Variants in SYT16 observed in about 807,000 individuals in gnomAD.
SYT16 encodes synaptotagmin 16.
A neutral mutation model predicts 61.4 loss-of-function variants in SYT16; 42 were observed. That is an observed-to-expected ratio of 0.68 (90% confidence interval 0.53 to 0.89). The LOEUF (loss-of-function observed/expected upper bound fraction) is 0.89. Ranked by LOEUF, SYT16 falls within the 40% of genes least tolerant of loss-of-function variation. The pLI is 0.00. For synonymous variants in SYT16, 314 were observed against 302.3 expected (o/e 1.04, Z -0.40); for missense variants, 804 against 807.3 (o/e 1.00, Z 0.05).
intron 7 of SYT16, among the ~76,000 whole-genome samples, chr14:62,085,241 A>T (rs1655548017): frequency 6.6e-6 from 1 of 152,346 alleles, no homozygotes; most frequent in East Asian, 1.9e-4. Context: ...GCAGCAAAAA[A>T]GCTTGAAAGG....
At chr14:61,855,594 T>C (rs1423606171) in intron 1 of SYT16, among the ~76,000 whole-genome samples, 1 of 152,244 alleles carries the variant, frequency 6.6e-6, no homozygotes, top group Non-Finnish European at 1.5e-5. Context: ...GTATGGTTTC[T>C]ACTGAATACA....
In SYT16 at chr14:62,102,787, T is replaced by C. The variant is rs886467348; in HGVS notation, c.*2080T>C. 3 of 152,216 alleles carry C rather than the reference T, an allele frequency of 2.0e-5. No homozygotes were observed. Among genetic ancestry groups the C allele is most frequent in the African/African-American group, 7.2e-5 (3 of 41,450 alleles). 9.4% of individuals were successfully genotyped at this position (152,216 alleles called of 1,614,324 possible). On this transcript the variant is annotated 3_prime_UTR_variant, in exon 8 of 8. Transcript: ENST00000683842. ...ATTTTTCCCTCTCATATTTTCCTGCTGCTGCATCCTTGTTTCTTGGTACCC... is the reference window on the plus strand; with the variant it reads ...ATTTTTCCCTCTCATATTTTCCTGCCGCTGCATCCTTGTTTCTTGGTACCC...
chr14:61,980,807 TTGACA>T (rs1258399282), intron 2 of SYT16, among the ~76,000 whole-genome samples: 1 of 152,174 alleles, frequency 6.6e-6, no homozygotes, highest in African/African-American at 2.4e-5. Flanking sequence ...AAAAGACTAA[TTGACA>T]TGACAGGGAG....
chr14:62,058,065 T>G (rs1169937907), intron 3 of SYT16, among the ~76,000 whole-genome samples: 1 of 152,184 alleles, frequency 6.6e-6, no homozygotes, highest in Non-Finnish European at 1.5e-5. Context: ...CCCACTAGTT[T>G]AATGCTTTTG....
intron 1 of SYT16, among the ~76,000 whole-genome samples, chr14:61,846,027 G>A (rs775645160): frequency 6.6e-6 from 1 of 152,124 alleles, no homozygotes; most frequent in Non-Finnish European, 1.5e-5. Flanking sequence ...AAGAGAAGAT[G>A]CTTGATATTA....
rs568793809 is a variant in SYT16 at position 62,104,176 on chromosome 14, G to T, written c.*3469G>T. 6.6e-6 allele frequency: 1 copy of T among 152,244 alleles called. No homozygotes were observed. The highest frequency in any genetic ancestry group is 1.9e-4 in the East Asian group (1 of 5,174). 9.4% of individuals were successfully genotyped at this position (152,244 alleles called of 1,614,324 possible). A position where few individuals can be genotyped will look rare whatever the true frequency, so the allele number is the denominator to read the frequency against. On this transcript the variant is annotated 3_prime_UTR_variant, in exon 8 of 8. Transcript: ENST00000683842. Reference sequence around the variant, plus strand: ...TGATTCGGTGTGGACACCACTGTGGGTTTCCAAAAAAACTGGTTATCCTTT... The same window carrying T: ...TGATTCGGTGTGGACACCACTGTGGTTTTCCAAAAAAACTGGTTATCCTTT...
intron 5 of SYT16, chr14:62,079,440 AT>A: frequency 4.9e-6 from 4 of 818,634 alleles, no homozygotes; most frequent in Non-Finnish European, 6.6e-6. Context: ...TACCATCTCC[AT>A]TTTACAGTTG....
intron 1 of SYT16, among the ~76,000 whole-genome samples, chr14:61,892,405 C>T (rs2140340264): frequency 6.6e-6 from 1 of 152,258 alleles, no homozygotes; most frequent in South Asian, 2.1e-4. Flanking sequence ...CCCCTGGCCA[C>T]CCTTGGCCTC....
At chr14:62,049,194 CTCT>C (rs1261582429) in intron 3 of SYT16, among the ~76,000 whole-genome samples, 1 of 152,174 alleles carries the variant, frequency 6.6e-6, no homozygotes, top group Admixed American at 6.5e-5. Flanking sequence ...GGATAGTTAG[CTCT>C]TCTTGTTGAA....
At chr14:61,854,556 A>G (rs1311614531) in intron 1 of SYT16, among the ~76,000 whole-genome samples, 5 of 152,206 alleles carry the variant, frequency 3.3e-5, no homozygotes, top group African/African-American at 7.2e-5. Context: ...TTCAATGTTT[A>G]TAATGTCACT....
At position 61,959,582 on chromosome 14, in the gene SYT16, T is replaced by C. The variant is rs544100802; in HGVS notation, c.-324-10550T>C. Among the ~76,000 whole-genome samples the C allele has an allele frequency of 2.6e-5, 4 of 152,338 alleles. No homozygotes were observed. In the South Asian group the frequency reaches 8.3e-4, roughly 32 times the overall value. On this transcript the variant is annotated intron_variant, in intron 1 of 7. Coordinates refer to ENST00000683842, the MANE Select transcript of SYT16 (RefSeq NM_001367656.1). ...ATTTTGTTTCTTGGTATGTTATGTT[T>C]TTATGAACAAATTTCTGTGGTTATA... is the stretch of plus-strand genomic sequence containing the variant.
chr14:62,066,204 C>G (rs546747842), intron 3 of SYT16, among the ~76,000 whole-genome samples: 3 of 152,192 alleles, frequency 2.0e-5, no homozygotes, highest in Non-Finnish European at 4.4e-5. Context: ...GGCCACAGGA[C>G]CTCCACTAGT....
chr14:61,906,502 G>A (rs928222797), intron 1 of SYT16, among the ~76,000 whole-genome samples: 2 of 152,042 alleles, frequency 1.3e-5, no homozygotes, highest in Non-Finnish European at 2.9e-5. Context: ...TTCTTTTCTC[G>A]CTCTTCGGCT....
In SYT16 at chr14:61,871,603, C is replaced by T. The variant is rs57556749; in HGVS notation, c.-325+58793C>T. ...AGGGATCACCATTTAGTGTTGCCTG[C>T]TTTCCTGCATCTTTAAAAACCATTA... On this transcript the variant is annotated intron_variant, in intron 1 of 7. Coordinates refer to ENST00000683842, the MANE Select transcript of SYT16 (RefSeq NM_001367656.1). 5.8e-3 allele frequency among the ~76,000 whole-genome samples: 885 copies of T among 152,302 alleles called. 4 individuals carry two copies. The highest frequency in any genetic ancestry group is 0.02 in the African/African-American group (839 of 41,568).
intron 1 of SYT16, chr14:61,864,877 G>A (rs1174211848): frequency 8.2e-7 from 1 of 1,214,756 alleles, no homozygotes; most frequent in Admixed American, 1.8e-5. Context: ...CCCCGGCGGA[G>A]ACAGTGACCA....
At chr14:61,826,971 G>T (rs1056964829) in intron 1 of SYT16, among the ~76,000 whole-genome samples, 3 of 151,900 alleles carry the variant, frequency 2.0e-5, no homozygotes, top group African/African-American at 7.3e-5. Context: ...CCACTCTGCG[G>T]AAGCCCACCA....
intron 3 of SYT16, among the ~76,000 whole-genome samples, chr14:62,020,808 A>T (rs781498374): frequency 1.1e-4 from 17 of 152,304 alleles, no homozygotes; most frequent in Middle Eastern, 3.4e-3. Context: ...CAGTGCTGGC[A>T]CACACCACCT....
At chr14:62,077,407 C>G (rs1190849801) in intron 5 of SYT16, among the ~76,000 whole-genome samples, 2 of 152,230 alleles carry the variant, frequency 1.3e-5, no homozygotes. Flanking sequence ...CTGCTCTTCT[C>G]TGCTGGCGAA....
In SYT16 at chr14:62,080,921, A is replaced by G; in HGVS notation, c.1081A>G (p.Arg361Gly). ...CGDLDVIFEY[R>G]AASQKLTVTI... ...TGACCTAGATGTCATCTTTGAATAT[A>G]GAGCCGCCAGCCAGAAGCTCACAGT... Residue 361 changes from arginine (R) to glycine (G), a missense_variant, in exon 6 of 8, where the codon AGA (arginine) becomes GGA (glycine). Physicochemically the swap from Arg to Gly is moderately radical, Grantham distance 125. Coordinates refer to ENST00000683842, the MANE Select transcript of SYT16 (RefSeq NM_001367656.1). 1 of 1,607,874 alleles carries G rather than the reference A, an allele frequency of 6.2e-7. No homozygotes were observed. The highest frequency in any genetic ancestry group is 8.5e-7 in the Non-Finnish European group (1 of 1,177,078).
Sources: gnomAD v4.1 joint callset for allele counts (sites outside exome capture counted in the v4.1 genomes callset) on GRCh38, gnomAD v4.1.1 for gene constraint, MANE v1.5 for transcripts, NCBI Gene and HGNC (gene_info 2026-07-23, HGNC 2026-07-21) for gene names.